The following NEGR1 variants were observed in gnomAD, a reference collection of about 807,000 sequenced individuals.
NEGR1 encodes the protein neuronal growth regulator 1.
NEGR1 carries 10 observed loss-of-function variants against 40.9 expected under a neutral mutation model. The ratio of observed to expected loss-of-function variants is 0.24; its 90% CI spans 0.15 to 0.42. The LOEUF (loss-of-function observed/expected upper bound fraction) is 0.42, where lower values mean the gene tolerates loss of function less well. Ranked by LOEUF, NEGR1 falls within the 10% of genes least tolerant of loss-of-function variation. NEGR1 has a pLI of 1.00. For synonymous variants in NEGR1, 185 were observed against 166.8 expected, an observed-to-expected ratio of 1.11 and a Z score of -0.84; for missense variants, 352 against 438.9, an observed-to-expected ratio of 0.80 and a Z score of 1.77.
chr1:71,553,665 T>C (rs1182636058), intron 6 of NEGR1, among the ~76,000 whole-genome samples: 2 of 151,584 alleles, frequency 1.3e-5, no homozygotes, highest in Non-Finnish European at 3.0e-5. Context: ...TTCTAGGAAT[T>C]AAACACAGAT....
chr1:72,113,517 T>C (rs544063019), intron 1 of NEGR1, among the ~76,000 whole-genome samples: 3 of 151,522 alleles, frequency 2.0e-5, no homozygotes, highest in Admixed American at 6.6e-5. Context: ...TTTAGAAATA[T>C]GTGTTTGTGT....
chr1:72,101,345 A>C (rs2100245391), intron 1 of NEGR1, among the ~76,000 whole-genome samples: 1 of 152,312 alleles, frequency 6.6e-6, no homozygotes, highest in South Asian at 2.1e-4. Context: ...AGCTGCAAAA[A>C]TTCGCTCAAC....
intron 1 of NEGR1, among the ~76,000 whole-genome samples, chr1:72,042,606 A>G (rs1384577670): frequency 2.0e-5 from 3 of 151,960 alleles, no homozygotes; most frequent in African/African-American, 4.8e-5. Context: ...TCAACTCTGG[A>G]AAGTTCAGAA....
At chr1:72,224,883 ATTC>A (rs1454408397) in intron 1 of NEGR1, among the ~76,000 whole-genome samples, 1 of 152,026 alleles carries the variant, frequency 6.6e-6, no homozygotes, top group Non-Finnish European at 1.5e-5. Context: ...GATACGCATA[ATTC>A]TTATAATTAT....
intron 1 of NEGR1, among the ~76,000 whole-genome samples, chr1:72,047,930 C>T (rs1203244400): frequency 2.0e-5 from 3 of 151,536 alleles, no homozygotes; most frequent in African/African-American, 7.3e-5. Flanking sequence ...TCTTCACTTG[C>T]ACAGAAAGAA....
intron 6 of NEGR1, chr1:71,463,291 G>A (rs1646725806): frequency 6.6e-6 from 1 of 152,066 alleles, no homozygotes; most frequent in Non-Finnish European, 1.5e-5. Context: ...GTACTGTTTT[G>A]TTCATTAGGG....
intron 6 of NEGR1, among the ~76,000 whole-genome samples, chr1:71,579,661 A>G (rs1049850445): frequency 7.2e-6 from 1 of 138,552 alleles, no homozygotes; most frequent in Non-Finnish European, 1.5e-5. Context: ...GATTCCACCT[A>G]TTTCAAAGCA....
intron 2 of NEGR1, among the ~76,000 whole-genome samples, chr1:71,856,692 T>G (rs977541195): frequency 1.3e-5 from 2 of 152,070 alleles, no homozygotes; most frequent in Admixed American, 6.6e-5. Flanking sequence ...ATGTTAACAT[T>G]TATTGTCTGT....
intron 4 of NEGR1, among the ~76,000 whole-genome samples, chr1:71,677,001 T>C (rs140802841): frequency 1.3e-4 from 20 of 152,330 alleles, no homozygotes; most frequent in African/African-American, 4.6e-4. Context: ...CATTATGAAG[T>C]GTATGACCAA....
intron 1 of NEGR1, among the ~76,000 whole-genome samples, chr1:72,062,467 A>G (rs1362073413): frequency 6.6e-6 from 1 of 151,976 alleles, no homozygotes; most frequent in Non-Finnish European, 1.5e-5. Context: ...GAGGAAAAAG[A>G]CTTCTTGTTC....
chr1:72,194,959 C>T (rs751188531), intron 1 of NEGR1, among the ~76,000 whole-genome samples: 4 of 152,016 alleles, frequency 2.6e-5, no homozygotes, highest in Admixed American at 2.6e-4. Context: ...ACAGCCCAAG[C>T]ACAGTATGTG....
At chr1:72,080,733 C>T (rs901222205) in intron 1 of NEGR1, among the ~76,000 whole-genome samples, 5 of 151,968 alleles carry the variant, frequency 3.3e-5, no homozygotes, top group African/African-American at 1.2e-4. Context: ...TAAGAGAAAC[C>T]ACCTCATAGG....
At chr1:71,586,190 C>T (rs1284475530) in intron 6 of NEGR1, among the ~76,000 whole-genome samples, 3 of 152,182 alleles carry the variant, frequency 2.0e-5, no homozygotes, top group Admixed American at 1.3e-4. Context: ...GTAGTAAAAA[C>T]GAAATTCTAG....
chr1:71,898,245 AT>A (rs897628011), intron 2 of NEGR1, among the ~76,000 whole-genome samples: 63 of 152,162 alleles, frequency 4.1e-4, no homozygotes, highest in Non-Finnish European at 2.1e-4. Context: ...CTGTCTTTTT[AT>A]TTTTTTCTTA....
intron 1 of NEGR1, among the ~76,000 whole-genome samples, chr1:72,069,020 A>G (rs1265208371): frequency 1.3e-5 from 2 of 152,152 alleles, no homozygotes; most frequent in Non-Finnish European, 2.9e-5. Flanking sequence ...TTTTCTGGTT[A>G]CTCTCTTGTC....
At chr1:71,682,007 A>G (rs969227746) in intron 4 of NEGR1, among the ~76,000 whole-genome samples, 5 of 151,626 alleles carry the variant, frequency 3.3e-5, no homozygotes, top group African/African-American at 9.7e-5. Context: ...TTGTATTTTT[A>G]GTAGAGATGG....
intron 6 of NEGR1, among the ~76,000 whole-genome samples, chr1:71,568,918 A>AT (rs1301098957): frequency 1.1e-3 from 135 of 119,786 alleles, no homozygotes; most frequent in Middle Eastern, 4.4e-3. Context: ...TCCTTTTGTA[A>AT]TTTTTTTTTT....
intron 2 of NEGR1, among the ~76,000 whole-genome samples, chr1:71,857,623 T>C (rs1280012282): frequency 1.5e-5 from 1 of 67,458 alleles, no homozygotes; most frequent in Non-Finnish European, 2.6e-5. Context: ...TGAGATCCTG[T>C]CTCAAAAAAA....
At chr1:71,834,905 A>ACACACACACACACACACACG in intron 2 of NEGR1, among the ~76,000 whole-genome samples, 1 of 152,118 alleles carries the variant, frequency 6.6e-6, no homozygotes, top group Non-Finnish European at 1.5e-5. Flanking sequence ...ACACACACAC[A>ACACACACACACACACACACG]CACAGCAGTT....
Sources: allele counts gnomAD v4.1 joint callset (sites outside exome capture counted in the v4.1 genomes callset), GRCh38; gene constraint gnomAD v4.1.1; transcripts MANE v1.5; gene names NCBI Gene and HGNC (gene_info 2026-07-23, HGNC 2026-07-21).